Variants in TCF12 observed in about 807,000 individuals in gnomAD.
TCF12 encodes the protein transcription factor 12, also known as DNA-binding protein HTF4.
A neutral mutation model predicts 86.0 loss-of-function variants in TCF12; 45 were observed. The ratio of observed to expected loss-of-function variants is 0.52; its 90% CI spans 0.41 to 0.67. The LOEUF is 0.67. Ranked by LOEUF, TCF12 falls within the 30% of genes least tolerant of loss-of-function variation. TCF12 has a pLI of 0.00. For missense variants in TCF12, 881 were observed against 859.9 expected, an observed-to-expected ratio of 1.02 and a Z score of -0.31; for synonymous variants, 330 against 299.6, an observed-to-expected ratio of 1.10 and a Z score of -1.05.
At chr15:57,035,606 GTGTT>G (rs2141389958) in intron 3 of TCF12, among the ~76,000 whole-genome samples, 2 of 152,246 alleles carry the variant, frequency 1.3e-5, no homozygotes, top group Admixed American at 1.3e-4. Context: ...AGCATGAAAA[GTGTT>G]TGTAGTCTTG....
intron 13 of TCF12, among the ~76,000 whole-genome samples, chr15:57,244,010 CT>C (rs1490113835): frequency 6.6e-6 from 1 of 152,032 alleles, no homozygotes; most frequent in Admixed American, 6.5e-5. Flanking sequence ...TCCTGAGTAA[CT>C]GGGAATACAG....
rs544376096 is a variant in TCF12 at position 57,255,324 on chromosome 15, G to A, written c.1467+1856G>A. On this transcript the variant is annotated intron_variant, in intron 16 of 20. Transcript: ENST00000333725. ...CTCCAAAGCCACCTAGAAACCTAGT[G>A]CATTTTAGAAGACTGTTAGAGGGAA... 1.2e-4 allele frequency among the ~76,000 whole-genome samples: 18 copies of A among 152,248 alleles called. 1 individual carries two copies. The South Asian group carries it at 3.7e-3, about 32-fold the overall frequency.
At chr15:57,128,963 T>C (rs551106620) in intron 5 of TCF12, among the ~76,000 whole-genome samples, 1 of 152,380 alleles carries the variant, frequency 6.6e-6, no homozygotes, top group South Asian at 2.1e-4. Flanking sequence ...ACTTCTACTC[T>C]TTGGCTATTA....
intron 3 of TCF12, among the ~76,000 whole-genome samples, chr15:56,988,234 T>G (rs1009728479): frequency 3.1e-4 from 47 of 152,296 alleles, no homozygotes; most frequent in African/African-American, 1.1e-3. Flanking sequence ...ATTAGGTGAT[T>G]TGGTCATATG....
rs145822396 is a variant in TCF12 at position 57,081,641 on chromosome 15, G to A, written c.223-10148G>A. On this transcript the variant is annotated intron_variant, in intron 4 of 20. Coordinates refer to ENST00000333725, the MANE Select transcript of TCF12 (RefSeq NM_207037.2). Reference sequence around the variant, plus strand: ...CAGCCTCTGCCTCCTGGGTTCAAGCGATTCTCCTACCTCAGCCTCCCAAGT... The same window carrying A: ...CAGCCTCTGCCTCCTGGGTTCAAGCAATTCTCCTACCTCAGCCTCCCAAGT... 4.5e-3 allele frequency among the ~76,000 whole-genome samples: 680 copies of A among 152,230 alleles called. 8 individuals carry two copies. The highest frequency in any genetic ancestry group is 0.021 in the Admixed American group (318 of 15,284).
At chr15:57,258,179 A>G (rs1400871027) in intron 16 of TCF12, among the ~76,000 whole-genome samples, 1 of 152,068 alleles carries the variant, frequency 6.6e-6, no homozygotes, top group Admixed American at 6.6e-5. Context: ...TACTTGTGAG[A>G]AAGAGGTGAG....
chr15:57,031,386 G>GA (rs397728879), intron 3 of TCF12, among the ~76,000 whole-genome samples: 2 of 151,880 alleles, frequency 1.3e-5, no homozygotes, highest in African/African-American at 2.4e-5. Context: ...GGTTTGGGGG[G>GA]TCAGATCAAT....
intron 3 of TCF12, among the ~76,000 whole-genome samples, chr15:56,933,198 G>A (rs2060322014): frequency 6.6e-6 from 1 of 152,034 alleles, no homozygotes; most frequent in Non-Finnish European, 1.5e-5. Flanking sequence ...TAAAGTGGAT[G>A]GAAAATATTT....
In TCF12 at chr15:57,232,956, T is replaced by TTA. The variant is rs113497854; in HGVS notation, c.970+108_970+109dup. ...TATGTATGTTTTATATATATAAATG[T>TTA]TATATATATGTATATATGTTATATA... On this transcript the variant is annotated intron_variant, in intron 11 of 20. Transcript: ENST00000333725. 1.3e-4 allele frequency: 97 copies of TTA among 748,678 alleles called. 3 individuals carry two copies. The highest frequency in any genetic ancestry group is 6.2e-4 in the African/African-American group (33 of 53,064). 46.4% of individuals were successfully genotyped at this position (748,678 alleles called of 1,614,324 possible). A position where few individuals can be genotyped will look rare whatever the true frequency, so the allele number is the denominator to read the frequency against.
intron 5 of TCF12, among the ~76,000 whole-genome samples, chr15:57,101,627 A>T (rs543568219): frequency 5.3e-5 from 8 of 152,348 alleles, no homozygotes; most frequent in African/African-American, 1.9e-4. Context: ...ATGCACCCAC[A>T]CACATATATA....
intron 19 of TCF12, 42 bp downstream of exon 19, chr15:57,273,304 A>G (rs1193103849): frequency 6.3e-7 from 1 of 1,575,744 alleles, no homozygotes; most frequent in East Asian, 2.2e-5. Context: ...TCTGCTTCAG[A>G]TGGGCAGACA....
intron 6 of TCF12, among the ~76,000 whole-genome samples, chr15:57,173,677 T>C (rs1434816592): frequency 6.6e-6 from 1 of 151,976 alleles, no homozygotes; most frequent in African/African-American, 2.4e-5. Context: ...AGGAGACAAA[T>C]TGAAACAAAA....
At chr15:57,201,992 C>A (rs1423444733) in intron 8 of TCF12, among the ~76,000 whole-genome samples, 3 of 152,168 alleles carry the variant, frequency 2.0e-5, no homozygotes, top group African/African-American at 7.2e-5. Context: ...TTGTTAGCAT[C>A]CTTTACAGCC....
At chr15:57,023,670 C>T (rs578166063) in intron 3 of TCF12, among the ~76,000 whole-genome samples, 1 of 152,128 alleles carries the variant, frequency 6.6e-6, no homozygotes, top group South Asian at 2.1e-4. Flanking sequence ...ACAAAACTTG[C>T]TATTGAATTA....
At chr15:57,132,902 T>G (rs2052242098) in intron 5 of TCF12, among the ~76,000 whole-genome samples, 2 of 152,208 alleles carry the variant, frequency 1.3e-5, no homozygotes, top group African/African-American at 4.8e-5. Context: ...TCTATTTATC[T>G]TCTCTTGTAA....
chr15:57,018,979 G>C (rs762167876), intron 3 of TCF12, among the ~76,000 whole-genome samples: 29 of 152,120 alleles, frequency 1.9e-4, no homozygotes, highest in African/African-American at 7.0e-4. Flanking sequence ...TAAGGCTTAC[G>C]AGACAATTAA....
intron 3 of TCF12, among the ~76,000 whole-genome samples, chr15:56,985,707 C>A (rs1211008654): frequency 6.6e-6 from 1 of 152,070 alleles, no homozygotes; most frequent in Non-Finnish European, 1.5e-5. Context: ...TAGTACCTAC[C>A]TAATGAAATC....
At chr15:57,170,949 A>G (rs1028338811) in intron 6 of TCF12, among the ~76,000 whole-genome samples, 1 of 148,776 alleles carries the variant, frequency 6.7e-6, no homozygotes, top group Non-Finnish European at 1.5e-5. Context: ...GAGGAAATTT[A>G]AATTTTTAAC....
chr15:56,934,213 A>C (rs1447794397), intron 3 of TCF12, among the ~76,000 whole-genome samples: 1 of 152,148 alleles, frequency 6.6e-6, no homozygotes, highest in African/African-American at 2.4e-5. Context: ...TGTAGTGACA[A>C]AGTTAACCCC....
Sources: gnomAD v4.1 joint callset for allele counts (sites outside exome capture counted in the v4.1 genomes callset) on GRCh38, gnomAD v4.1.1 for gene constraint, MANE v1.5 for transcripts, NCBI Gene and HGNC (gene_info 2026-07-23, HGNC 2026-07-21) for gene names.